PTPRS: variants seen among roughly 807,000 people sequenced by gnomAD.
PTPRS encodes receptor-type tyrosine-protein phosphatase S.
A neutral mutation model predicts 215.3 loss-of-function variants in PTPRS; 63 were observed. The observed-to-expected ratio is 0.29, with a 90% CI of 0.24 to 0.36. The LOEUF (loss-of-function observed/expected upper bound fraction) is 0.36, where lower values mean the gene tolerates loss of function less well. Ranked by LOEUF, PTPRS falls within the 10% of genes least tolerant of loss-of-function variation. The pLI is 1.00. For missense variants in PTPRS, 2,258 were observed against 2,825.8 expected, an observed-to-expected ratio of 0.80 and a Z score of 4.56; for synonymous variants, 1,404 against 1,191.4, an observed-to-expected ratio of 1.18 and a Z score of -3.68.
At position 5,215,342 on chromosome 19, in the gene PTPRS, T is replaced by A; in HGVS notation, c.4265A>T (p.Tyr1422Phe). The change falls in exon 28 of 38, where the codon TAT (tyrosine) becomes TTT (phenylalanine). Residue 1422 changes from tyrosine (Y) to phenylalanine (F), a missense_variant. Physicochemically the swap from Tyr to Phe is conservative, Grantham distance 22. Coordinates refer to ENST00000262963, the MANE Select transcript of PTPRS (RefSeq NM_002850.4). The part of the protein sequence containing the change: ...NLEVNKPKNR[Y>F]ANVIAYDHSR... The stretch of plus-strand genomic sequence containing the variant: ...GTGGTCATAGGCGATGACGTTGGCA[T>A]AGCGGTTCTTCGGCTTGTTCACTTC... The A allele has an allele frequency of 6.2e-7, 1 of 1,614,178 alleles. No individual in the cohort carries two copies. The highest frequency in any genetic ancestry group is 8.5e-7 in the Non-Finnish European group (1 of 1,180,022).
At chr19:5,240,800 C>T (rs1241826115) in intron 11 of PTPRS, among the ~76,000 whole-genome samples, 2 of 150,714 alleles carry the variant, frequency 1.3e-5, no homozygotes, top group African/African-American at 4.9e-5. Flanking sequence ...GATCGCGCCA[C>T]TGCACTCCAG....
intron 7 of PTPRS, 109 bp from the exon 8 acceptor site, chr19:5,258,236 C>G (rs1219201169): frequency 1.1e-6 from 1 of 915,946 alleles, no homozygotes; most frequent in East Asian, 2.5e-5. Context: ...GCTGGCTGGG[C>G]CAGAGAGGCA....
intron 13 of PTPRS, among the ~76,000 whole-genome samples, chr19:5,236,513 G>C (rs940131229): frequency 4.6e-5 from 7 of 152,220 alleles, no homozygotes; most frequent in African/African-American, 1.7e-4. Context: ...GAGATTACTG[G>C]CCTTGCTCGT....
rs1047421007 is a variant in PTPRS, at chr19:5,338,717, G to C, written c.-95+1947C>G. Among the ~76,000 whole-genome samples, 1 of 152,142 alleles carries C rather than the reference G, an allele frequency of 6.6e-6. No homozygotes were observed. Among genetic ancestry groups the C allele is most frequent in the African/African-American group, 2.4e-5 (1 of 41,418 alleles). ...AGGGGGGCACAAAGGAAGGGACCCT[G>C]GGAGGGGGAGGGGACTTATGCAAAT... On this transcript the variant is annotated intron_variant, in intron 1 of 37. Coordinates refer to ENST00000262963, the MANE Select transcript of PTPRS (RefSeq NM_002850.4). This position sits in a 1 kb window ranked among gnomAD's most constrained non-coding sequence, Gnocchi z 4.2.
chr19:5,262,932 AGTT>A (rs751822311), intron 6 of PTPRS, 29 bp downstream of exon 6: 4 of 1,568,906 alleles, frequency 2.5e-6, no homozygotes, highest in Non-Finnish European at 2.6e-6. Context: ...ATGGGGCGTT[AGTT>A]GTTGACGTGG....
chr19:5,215,448 G>C, intron 27 of PTPRS, 36 bp from the exon 28 acceptor site: 1 of 1,610,746 alleles, frequency 6.2e-7, no homozygotes, highest in South Asian at 1.1e-5. Flanking sequence ...TGTCAGGGTA[G>C]GTGCCTGTGA....
intron 1 of PTPRS, among the ~76,000 whole-genome samples, chr19:5,321,158 A>C (rs930005724): frequency 6.6e-6 from 1 of 152,152 alleles, no homozygotes; most frequent in Non-Finnish European, 1.5e-5. Flanking sequence ...CTATAGTCCC[A>C]GCTGCTCAGG....
intron 3 of PTPRS, among the ~76,000 whole-genome samples, 160 bp downstream of exon 3, chr19:5,274,039 C>T (rs940054183): frequency 2.6e-5 from 4 of 152,138 alleles, no homozygotes; most frequent in Non-Finnish European, 4.4e-5. Flanking sequence ...GCAAGTAAGG[C>T]GGGCAGGGCC....
At chr19:5,319,043 A>G (rs2049955006) in intron 1 of PTPRS, among the ~76,000 whole-genome samples, 1 of 152,124 alleles carries the variant, frequency 6.6e-6, no homozygotes, top group Non-Finnish European at 1.5e-5. Flanking sequence ...GAAGGATCGA[A>G]GAGAAAGCAT....
At chr19:5,228,771 C>G (rs904536213) in intron 16 of PTPRS, among the ~76,000 whole-genome samples, 1 of 152,230 alleles carries the variant, frequency 6.6e-6, no homozygotes, top group Non-Finnish European at 1.5e-5. Flanking sequence ...CAATTCCTCT[C>G]TGGTTTAAAG....
chr19:5,220,580 A>G (rs1030284568), intron 20 of PTPRS, among the ~76,000 whole-genome samples: 5 of 152,204 alleles, frequency 3.3e-5, no homozygotes, highest in African/African-American at 1.2e-4. Flanking sequence ...TGTAATGCTC[A>G]TTGTTAAACT....
At chr19:5,297,200 A>G (rs1451181979) in intron 1 of PTPRS, among the ~76,000 whole-genome samples, 1 of 152,188 alleles carries the variant, frequency 6.6e-6, no homozygotes, top group Non-Finnish European at 1.5e-5. Context: ...TTGGGGAGGA[A>G]CACGGGGCTG....
At chr19:5,258,272 C>G in intron 7 of PTPRS, 145 bp from the exon 8 acceptor site, 1 of 670,196 alleles carries the variant, frequency 1.5e-6, no homozygotes, top group African/African-American at 1.8e-5. Context: ...AACCTGGAAG[C>G]CCTAGCTTGG....
intron 1 of PTPRS, among the ~76,000 whole-genome samples, chr19:5,334,134 C>T (rs1399726108): frequency 6.6e-6 from 1 of 152,198 alleles, no homozygotes; most frequent in Non-Finnish European, 1.5e-5. Context: ...CCAGTCCTGC[C>T]GCAGAAGTGG....
rs768612717 is a variant in PTPRS at position 5,220,039 on chromosome 19, G to A, written c.3665C>T (p.Pro1222Leu). ...GCCGCCATACTGCTTCTGGTCGCCGGGATGGAACGTGGGTGGCAGCACAGA... is the reference window on the plus strand; with the variant it reads ...GCCGCCATACTGCTTCTGGTCGCCGAGATGGAACGTGGGTGGCAGCACAGA... ...RFSVLPPTFHPGDQKQYGGFD... is the reference protein window; with the variant it reads ...RFSVLPPTFHLGDQKQYGGFD... Residue 1222 changes from proline to leucine, a missense_variant, in exon 22 of 38, where the codon CCC becomes CTC. Transcript: ENST00000262963. The A allele has an allele frequency of 2.5e-6, 4 of 1,613,948 alleles. No individual in the cohort carries two copies. The highest frequency in any genetic ancestry group is 1.3e-5 in the African/African-American group (1 of 74,946).
intron 13 of PTPRS, among the ~76,000 whole-genome samples, chr19:5,235,340 C>T (rs577327444): frequency 1.2e-3 from 188 of 152,262 alleles, no homozygotes; most frequent in Non-Finnish European, 2.4e-3. Context: ...CCAGGCATTG[C>T]ACTCAATACC....
chr19:5,244,258 C>T lies in PTPRS; in HGVS notation c.1213G>A (p.Val405Ile), dbSNP rs1568465790. 2.5e-6 allele frequency: 4 copies of T among 1,613,666 alleles called. No homozygotes were observed. The highest frequency in any genetic ancestry group is 1.1e-5 in the South Asian group (1 of 91,016). Residue 405 changes from valine (V) to isoleucine (I), a missense_variant, in exon 11 of 38, where the codon GTC becomes ATC. This residue lies in a region of PTPRS where 508 missense variants were observed against 799.4 expected (regional missense o/e 0.64). Transcript: ENST00000262963. This position sits in a 1 kb window ranked among gnomAD's most constrained non-coding sequence, Gnocchi z 7.2. ...GGGGGCCCCTGGCCGATGGAGTTGA[C>T]GGCCGACACCCAGATCTCGTACTCC... ...NSEYEIWVSA[V>I]NSIGQGPPSE...
At position 5,237,626 on chromosome 19, in the gene PTPRS, T is replaced by TGGGGCAGGCGGG. The variant is rs1298532043; in HGVS notation, c.1849+1281_1849+1292dup. On this transcript the variant is annotated intron_variant, in intron 13 of 37. Transcript: ENST00000262963. The surrounding 1 kb of genome is among the most constrained non-coding windows in gnomAD (Gnocchi z 4.2). The stretch of plus-strand genomic sequence containing the variant: ...GACTGTCCGTTCAGCCCAGAGTGGC[T>TGGGGCAGGCGGG]GGGGCAGGCGGGGGGGCACGCGGGG... Among the ~76,000 whole-genome samples, 1 of 152,060 alleles carries TGGGGCAGGCGGG rather than the reference T, an allele frequency of 6.6e-6. No homozygotes were observed. The highest frequency in any genetic ancestry group is 1.5e-5 in the Non-Finnish European group (1 of 67,994).
intron 1 of PTPRS, among the ~76,000 whole-genome samples, chr19:5,306,779 G>A (rs1202523592): frequency 6.6e-6 from 1 of 152,174 alleles, no homozygotes; most frequent in East Asian, 1.9e-4. Context: ...TAAACAAGCA[G>A]GTTCCCCTCC....
Sources: allele counts gnomAD v4.1 joint callset (sites outside exome capture counted in the v4.1 genomes callset), GRCh38; gene constraint gnomAD v4.1.1; regional missense constraint gnomAD v4.1.1; non-coding constraint Gnocchi (gnomAD v3.1); transcripts MANE v1.5; gene names NCBI Gene and HGNC (gene_info 2026-07-23, HGNC 2026-07-21).